The following ASCC1 variants were observed in gnomAD, a reference collection of about 807,000 sequenced individuals.
ASCC1 encodes ASC-1 complex subunit P50.
In ASCC1, 35 loss-of-function variants were observed where a neutral mutation model predicts 46.6. The ratio of observed to expected loss-of-function variants is 0.75; its 90% CI spans 0.57 to 0.99. The LOEUF (loss-of-function observed/expected upper bound fraction) is 0.99, where lower values mean the gene tolerates loss of function less well. Ranked by LOEUF, ASCC1 falls within the 50% of genes least tolerant of loss-of-function variation. The probability of loss-of-function intolerance (pLI) is 0.00; values close to 1 mark genes in which losing one functional copy is unlikely to be tolerated. For missense variants in ASCC1, 376 were observed against 428.7 expected, an observed-to-expected ratio of 0.88 and a Z score of 1.09; for synonymous variants, 143 against 146.6, an observed-to-expected ratio of 0.98 and a Z score of 0.18.
intron 4 of ASCC1, chr10:72,198,544 T>A (rs1015757376): frequency 6.6e-6 from 3 of 455,558 alleles, no homozygotes; most frequent in African/African-American, 6.0e-5. Context: ...AAACTCTGTC[T>A]CTACAGTGGT....
At chr10:72,215,463 A>G (rs1337561895) in intron 1 of ASCC1, among the ~76,000 whole-genome samples, 1 of 152,266 alleles carries the variant, frequency 6.6e-6, no homozygotes, top group Non-Finnish European at 1.5e-5. Context: ...AGGTTTCGTG[A>G]GAAATAACAA....
chr10:72,167,397 A>G (rs939526787), intron 5 of ASCC1, among the ~76,000 whole-genome samples: 1 of 152,216 alleles, frequency 6.6e-6, no homozygotes, highest in Non-Finnish European at 1.5e-5. Context: ...AAATGTCCAG[A>G]AAGGACAAAT....
chr10:72,114,623 C>CAAAAAAA (rs34531262), intron 9 of ASCC1, among the ~76,000 whole-genome samples: 1 of 94,516 alleles, frequency 1.1e-5, no homozygotes, highest in African/African-American at 4.0e-5. Flanking sequence ...GACTCCGTCT[C>CAAAAAAA]AAAAAAAAAA....
chr10:72,116,213 G>A (rs1389896079), intron 9 of ASCC1, among the ~76,000 whole-genome samples: 1 of 152,194 alleles, frequency 6.6e-6, no homozygotes, highest in Non-Finnish European at 1.5e-5. Flanking sequence ...AAGGAATCCT[G>A]AATAGTTTTA....
At chr10:72,156,783 A>C (rs1246338822) in intron 6 of ASCC1, among the ~76,000 whole-genome samples, 1 of 151,898 alleles carries the variant, frequency 6.6e-6, no homozygotes, top group Non-Finnish European at 1.5e-5. Flanking sequence ...AAAAAAAAAA[A>C]AAGAAAAAAA....
chr10:72,158,225 T>C (rs544383724), intron 6 of ASCC1, among the ~76,000 whole-genome samples: 31 of 152,364 alleles, frequency 2.0e-4, no homozygotes, highest in Non-Finnish European at 1.8e-4. Context: ...CAATTACATC[T>C]GGGACACCAG....
intron 5 of ASCC1, chr10:72,189,844 T>G (rs1854135489): frequency 1.2e-5 from 6 of 480,226 alleles, no homozygotes; most frequent in Non-Finnish European, 1.5e-5. Flanking sequence ...CATGAACCAT[T>G]GTTCTATTTT....
At chr10:72,143,365 T>G (rs911189650) in intron 7 of ASCC1, among the ~76,000 whole-genome samples, 1 of 151,794 alleles carries the variant, frequency 6.6e-6, no homozygotes, top group African/African-American at 2.4e-5. Context: ...TAAACTCCCT[T>G]TTTGTTGTTG....
chr10:72,132,281 C>T (rs113707839), intron 8 of ASCC1, among the ~76,000 whole-genome samples: 1,936 of 152,226 alleles, frequency 0.013, 32 homozygotes, highest in African/African-American at 0.044. Context: ...GAAGGAAGAG[C>T]TGCATATGGC....
At position 72,190,361 on chromosome 10, in the gene ASCC1, C is replaced by G; in HGVS notation, c.489+6450G>C. On this transcript the variant is annotated intron_variant, in intron 5 of 9. Transcript: ENST00000672957. ...CACATACAAATTTTTTGAGGTTATC[C>G]TCATTGATCCAGTCCATAAAGCTAT... The G allele has an allele frequency of 2.1e-6, 3 of 1,431,892 alleles. No individual in the cohort carries two copies. The South Asian group carries it at 3.4e-5, about 16-fold the overall frequency. The allele number at this position is 1,431,892 out of a possible 1,614,324, so 88.7% of individuals were successfully genotyped here.
In ASCC1 at chr10:72,104,166, G is replaced by A. The variant is rs138889075; in HGVS notation, c.958-6716C>T. On this transcript the variant is annotated intron_variant, in intron 9 of 9. Coordinates refer to ENST00000672957, the MANE Select transcript of ASCC1 (RefSeq NM_001198800.3). Reference sequence around the variant, plus strand: ...CTAGAGTCTGAGCCCGTTGATTCCTGTACTCTATTGCCCCTTAATGTGAGT... The same window carrying A: ...CTAGAGTCTGAGCCCGTTGATTCCTATACTCTATTGCCCCTTAATGTGAGT... Among the ~76,000 whole-genome samples the A allele has an allele frequency of 4.9e-4, 74 of 152,168 alleles. 2 individuals carry two copies. Among genetic ancestry groups the A allele is most frequent in the African/African-American group, 1.7e-3 (69 of 41,492 alleles).
chr10:72,119,108 T>C (rs1046956130), intron 9 of ASCC1, among the ~76,000 whole-genome samples: 1 of 152,194 alleles, frequency 6.6e-6, no homozygotes, highest in Admixed American at 6.5e-5. Flanking sequence ...GTAACCTAAC[T>C]GTAATTGACG....
chr10:72,151,911 G>C (rs1472764946), intron 7 of ASCC1, among the ~76,000 whole-genome samples: 1 of 151,296 alleles, frequency 6.6e-6, no homozygotes, highest in East Asian at 2.0e-4. Flanking sequence ...GGGTGGATTC[G>C]ATCTCCTGAC....
intron 5 of ASCC1, chr10:72,189,802 C>CA (rs996153326): frequency 0.044 from 7,256 of 166,406 alleles, 5 homozygotes; most frequent in South Asian, 0.057. Flanking sequence ...AACTCCATCT[C>CA]AAAAAAAAAA....
intron 7 of ASCC1, 186 bp from the exon 8 acceptor site, chr10:72,133,367 T>G: frequency 1.6e-6 from 1 of 622,124 alleles, no homozygotes; most frequent in East Asian, 2.9e-5. Context: ...CTTGTTTGTC[T>G]GCTTAACAGA....
chr10:72,211,454 T>C (rs182391426), intron 2 of ASCC1, among the ~76,000 whole-genome samples: 262 of 152,122 alleles, frequency 1.7e-3, no homozygotes, highest in African/African-American at 6.1e-3. Flanking sequence ...CTGGGCATGA[T>C]GGTACATGCC....
chr10:72,192,436 C>T (rs1452392532), intron 5 of ASCC1, among the ~76,000 whole-genome samples: 1 of 144,812 alleles, frequency 6.9e-6, no homozygotes, highest in African/African-American at 2.7e-5. Context: ...GCCTGAGTGA[C>T]AGGGCGAGAC....
chr10:72,156,740 C>T (rs1003313719), intron 6 of ASCC1, among the ~76,000 whole-genome samples: 1 of 150,192 alleles, frequency 6.7e-6, no homozygotes, highest in African/African-American at 2.5e-5. Flanking sequence ...CCACTGCACT[C>T]CAGCCTGGGC....
intron 1 of ASCC1, chr10:72,215,914 C>CGAG (rs752793983): frequency 1.3e-5 from 2 of 152,332 alleles, no homozygotes; most frequent in Non-Finnish European, 2.9e-5. Flanking sequence ...CAAGGTAGGG[C>CGAG]GAGGAGGAGG....
Sources: gnomAD v4.1 joint callset for allele counts (sites outside exome capture counted in the v4.1 genomes callset) on GRCh38, gnomAD v4.1.1 for gene constraint, MANE v1.5 for transcripts, NCBI Gene and HGNC (gene_info 2026-07-23, HGNC 2026-07-21) for gene names.